HOMER2: variants seen among roughly 807,000 people sequenced by gnomAD.
The protein encoded by HOMER2 is homer scaffold protein 2.
In HOMER2, 27 loss-of-function variants were observed where a neutral mutation model predicts 47.0. The ratio of observed to expected loss-of-function variants is 0.57; its 90% confidence interval spans 0.42 to 0.79. The LOEUF is 0.79. Ranked by LOEUF, HOMER2 falls within the 30% of genes least tolerant of loss-of-function variation. HOMER2 has a pLI of 0.00. For synonymous variants in HOMER2, 161 were observed against 163.8 expected (o/e 0.98, Z 0.13); for missense variants, 443 against 435.0 (o/e 1.02, Z -0.16).
At chr15:82,960,121 G>A (rs759263692) in intron 1 of HOMER2, among the ~76,000 whole-genome samples, 3 of 152,114 alleles carry the variant, frequency 2.0e-5, no homozygotes, top group Non-Finnish European at 4.4e-5. Flanking sequence ...GCAACACTAG[G>A]GATGAGTTAA....
intron 1 of HOMER2, among the ~76,000 whole-genome samples, chr15:82,908,076 G>A (rs531909880): frequency 6.6e-6 from 1 of 152,288 alleles, no homozygotes; most frequent in South Asian, 2.1e-4. Context: ...CAAAGTAGAT[G>A]AGTGGCTGTC....
At chr15:82,836,324 C>T (rs2051126395), downstream of HOMER2, among the ~76,000 whole-genome samples, 1 of 152,240 alleles carries the variant, frequency 6.6e-6, no homozygotes, top group African/African-American at 2.4e-5. Context: ...TCACCTCTCC[C>T]TGGCTTTCCA....
chr15:82,912,222 C>T (rs1376085350), intron 1 of HOMER2, among the ~76,000 whole-genome samples: 1 of 152,100 alleles, frequency 6.6e-6, no homozygotes, highest in Non-Finnish European at 1.5e-5. Flanking sequence ...CCCCTCAAAC[C>T]CCGTACTCAT....
chr15:82,928,370 A>G (rs764630639), intron 1 of HOMER2, among the ~76,000 whole-genome samples: 1 of 152,228 alleles, frequency 6.6e-6, no homozygotes, highest in Non-Finnish European at 1.5e-5. Context: ...ATTTAATTGC[A>G]TGGATGTAGG....
intron 1 of HOMER2, among the ~76,000 whole-genome samples, chr15:82,905,527 A>G (rs1294166498): frequency 6.6e-6 from 1 of 152,122 alleles, no homozygotes; most frequent in Non-Finnish European, 1.5e-5. Context: ...TATCACATTC[A>G]AACTTCAGAA....
chr15:82,845,626 G>C (rs1282712894), downstream of HOMER2: 3 of 152,298 alleles, frequency 2.0e-5, no homozygotes, highest in East Asian at 5.8e-4. Flanking sequence ...AAAGAATTTA[G>C]CTTCTAGAAG....
At chr15:82,862,254 T>C (rs2051819824) in intron 4 of HOMER2, among the ~76,000 whole-genome samples, 1 of 152,092 alleles carries the variant, frequency 6.6e-6, no homozygotes, top group African/African-American at 2.4e-5. Context: ...TCAGGAAGGA[T>C]AAATACTGCT....
chr15:82,891,805 T>C (rs1180042751), intron 2 of HOMER2, among the ~76,000 whole-genome samples: 1 of 152,084 alleles, frequency 6.6e-6, no homozygotes, highest in African/African-American at 2.4e-5. Context: ...CTTGACAAAC[T>C]TAAAGAAGGA....
chr15:82,852,055 A>G, intron 7 of HOMER2, 87 bp downstream of exon 7: 6 of 822,896 alleles, frequency 7.3e-6, no homozygotes, highest in Non-Finnish European at 1.2e-5. Flanking sequence ...TGCCAGGGCC[A>G]GTCATAGGCC....
chr15:82,865,720 G>A (rs958270422), intron 3 of HOMER2, among the ~76,000 whole-genome samples: 1 of 152,218 alleles, frequency 6.6e-6, no homozygotes, highest in African/African-American at 2.4e-5. Context: ...AGCAGCTCCA[G>A]CTGTGACTAG....
intron 1 of HOMER2, among the ~76,000 whole-genome samples, chr15:82,964,357 G>A (rs1179939739): frequency 6.6e-6 from 1 of 152,184 alleles, no homozygotes; most frequent in Non-Finnish European, 1.5e-5. Flanking sequence ...AATAAAACAG[G>A]CTGGTGAATG....
exon 2 of HOMER2, chr15:82,838,401 A>G (rs2051147012): frequency 6.6e-6 from 1 of 152,252 alleles, no homozygotes; most frequent in African/African-American, 2.4e-5. Context: ...TGCAAACAGC[A>G]TCGGTGGCAG....
At chr15:82,955,166 TTTTTC>T (rs1360766549), upstream of HOMER2, among the ~76,000 whole-genome samples, 2 of 149,278 alleles carry the variant, frequency 1.3e-5, no homozygotes, top group African/African-American at 5.0e-5. Context: ...TTTCTTTTTC[TTTTTC>T]TTTTTTTTTT....
intron 1 of HOMER2, among the ~76,000 whole-genome samples, chr15:82,923,728 G>A (rs927503102): frequency 6.6e-6 from 1 of 152,128 alleles, no homozygotes. Context: ...CCACACTCAC[G>A]CAGGGTATGC....
chr15:82,926,745 T>G (rs971296443), intron 1 of HOMER2: 1 of 152,180 alleles, frequency 6.6e-6, no homozygotes, highest in African/African-American at 2.4e-5. Context: ...AGGTGGAGCC[T>G]TGAAGAGGTG....
At chr15:82,870,036 A>T (rs2052125991) in intron 3 of HOMER2, among the ~76,000 whole-genome samples, 1 of 152,228 alleles carries the variant, frequency 6.6e-6, no homozygotes, top group Non-Finnish European at 1.5e-5. Context: ...GGTACTTATT[A>T]AAATTGTGGT....
At chr15:82,899,666 G>C (rs1430531602) in intron 1 of HOMER2, among the ~76,000 whole-genome samples, 1 of 152,124 alleles carries the variant, frequency 6.6e-6, no homozygotes, top group Non-Finnish European at 1.5e-5. Flanking sequence ...AGGTGGCTAG[G>C]TATAAAATCA....
At chr15:82,972,678 G>T (rs2030038569) in intron 1 of HOMER2, among the ~76,000 whole-genome samples, 2 of 151,810 alleles carry the variant, frequency 1.3e-5, no homozygotes, top group African/African-American at 4.8e-5. Flanking sequence ...GCAAAACTCT[G>T]CCTTAAAAAA....
At chr15:82,868,523 T>TTTTATATATATATA (rs1453193520) in intron 3 of HOMER2, among the ~76,000 whole-genome samples, 2 of 36,640 alleles carry the variant, frequency 5.5e-5, no homozygotes, top group Non-Finnish European at 9.3e-5. Context: ...CTTATTTATT[T>TTTTATATATATATA]TATATATATA....
Sources: allele counts gnomAD v4.1 joint callset (sites outside exome capture counted in the v4.1 genomes callset), GRCh38; gene constraint gnomAD v4.1.1; transcripts MANE v1.5; gene names NCBI Gene and HGNC (gene_info 2026-07-23, HGNC 2026-07-21).